MIA2: variants seen among roughly 807,000 people sequenced by gnomAD.
MIA2 encodes the protein melanoma inhibitory activity protein 2.
A neutral mutation model predicts 167.8 loss-of-function variants in MIA2; 127 were observed. The ratio of observed to expected loss-of-function variants is 0.76; its 90% confidence interval spans 0.66 to 0.88. The LOEUF is 0.88. Among genes scored for constraint, MIA2 ranks in the 40% least tolerant of loss-of-function variants. The probability of loss-of-function intolerance (pLI) is 0.00; values close to 1 mark genes in which losing one functional copy is unlikely to be tolerated. For missense variants in MIA2, 1,690 were observed against 1,624.7 expected (o/e 1.04, Z -0.69); for synonymous variants, 552 against 541.9 (o/e 1.02, Z -0.26).
chr14:39,345,413 G>A (rs1415585307), intron 25 of MIA2, among the ~76,000 whole-genome samples: 1 of 152,060 alleles, frequency 6.6e-6, no homozygotes, highest in African/African-American at 2.4e-5. Context: ...ATTCCAAAAC[G>A]TCAATATTAC....
chr14:39,251,479 G>C (rs1279314087), intron 4 of MIA2, among the ~76,000 whole-genome samples: 1 of 151,768 alleles, frequency 6.6e-6, no homozygotes, highest in Non-Finnish European at 1.5e-5. Flanking sequence ...ATAGTATAGG[G>C]AATATTCATT....
At chr14:39,284,434 G>A (rs554689437) in intron 9 of MIA2, among the ~76,000 whole-genome samples, 17 of 152,186 alleles carry the variant, frequency 1.1e-4, no homozygotes, top group East Asian at 9.6e-4. Flanking sequence ...CTAGTACCAC[G>A]TTGTTTTCGT....
chr14:39,269,180 T>C (rs978592415), intron 6 of MIA2: 5 of 493,232 alleles, frequency 1.0e-5, no homozygotes, highest in African/African-American at 4.2e-5. Context: ...TTTTTAAAAA[T>C]TATTTTGTAT....
At position 39,279,499 on chromosome 14, in the gene MIA2, A is replaced by T; in HGVS notation, c.2092A>T (p.Ser698Cys). ...LMLSGLIEEK[S>C]KLLEKFSLVQ... ...GCTTTCTGGACTAATTGAAGAAAAA[A>T]GTAAACTACTTGAAAAATTTAGCCT... is the stretch of plus-strand genomic sequence containing the variant. Residue 698 changes from serine to cysteine, a missense_variant, in exon 9 of 29, where the codon AGT (serine) becomes TGT (cysteine). Ser to Cys is a moderately radical substitution (Grantham distance 112). Transcript: ENST00000640607. The T allele has an allele frequency of 6.2e-7, 1 of 1,608,204 alleles. No individual in the cohort carries two copies. Among genetic ancestry groups the T allele is most frequent in the Non-Finnish European group, 8.5e-7 (1 of 1,178,944 alleles).
intron 25 of MIA2, among the ~76,000 whole-genome samples, chr14:39,333,879 T>C (rs1343261867): frequency 6.6e-6 from 1 of 152,194 alleles, no homozygotes; most frequent in Admixed American, 6.5e-5. Context: ...ATAGAAGAGA[T>C]ATGGTCCATT....
intron 6 of MIA2, among the ~76,000 whole-genome samples, chr14:39,272,102 C>G (rs1338201202): frequency 1.3e-5 from 2 of 152,046 alleles, no homozygotes; most frequent in African/African-American, 4.8e-5. Flanking sequence ...GCCTGTAATC[C>G]CAGCACTTTG....
At chr14:39,281,469 C>A (rs1448177108) in intron 9 of MIA2, among the ~76,000 whole-genome samples, 1 of 151,990 alleles carries the variant, frequency 6.6e-6, no homozygotes, top group African/African-American at 2.4e-5. Context: ...TCTTTTAAAC[C>A]ATCCATTGAG....
At position 39,288,456 on chromosome 14, in the gene MIA2, TATA is replaced by T. The variant is rs2060171422; in HGVS notation, c.2131-2562_2131-2560del. On this transcript the variant is annotated intron_variant, in intron 9 of 28. Transcript: ENST00000640607. ...ACATATATATATATATATATATATA[TATA>T]TATATATATATATATATTTTTTTTT... 3.7e-3 allele frequency among the ~76,000 whole-genome samples: 53 copies of T among 14,350 alleles called. 4 individuals carry two copies. Among genetic ancestry groups the T allele is most frequent in the African/African-American group, 8.7e-3 (47 of 5,402 alleles). The allele number at this position is 14,350 out of a possible 152,430, so 9.4% of individuals were successfully genotyped here. A position where few individuals can be genotyped will look rare whatever the true frequency, so the allele number is the denominator to read the frequency against.
intron 25 of MIA2, among the ~76,000 whole-genome samples, chr14:39,337,725 T>C (rs975565962): frequency 1.3e-5 from 2 of 150,020 alleles, no homozygotes; most frequent in Admixed American, 6.7e-5. Context: ...TATAACATTC[T>C]TTTTTTTTTC....
intron 3 of MIA2, 43 bp downstream of exon 3, chr14:39,240,690 C>A (rs1416786359): frequency 1.4e-6 from 2 of 1,480,668 alleles, no homozygotes; most frequent in Admixed American, 1.7e-5. Flanking sequence ...TTTAAAATTT[C>A]TTGGTTAAAA....
chr14:39,270,950 A>G (rs538503046), intron 6 of MIA2, among the ~76,000 whole-genome samples: 1 of 152,230 alleles, frequency 6.6e-6, no homozygotes, highest in South Asian at 2.1e-4. Context: ...TTGAAGCGTA[A>G]GCGTTCTAAA....
At chr14:39,292,858 G>A (rs2060917064) in intron 10 of MIA2, among the ~76,000 whole-genome samples, 1 of 151,928 alleles carries the variant, frequency 6.6e-6, no homozygotes, top group South Asian at 2.1e-4. Flanking sequence ...TTTATGTCAT[G>A]CCTTTAATTG....
intron 14 of MIA2, among the ~76,000 whole-genome samples, chr14:39,301,084 G>T (rs2062419758): frequency 6.8e-6 from 1 of 146,952 alleles, no homozygotes; most frequent in African/African-American, 2.5e-5. Context: ...ACACGAGATG[G>T]ACTTTCAATC....
intron 12 of MIA2, among the ~76,000 whole-genome samples, 169 bp downstream of exon 12, chr14:39,294,240 C>T (rs207474671): frequency 6.6e-6 from 1 of 151,736 alleles, no homozygotes; most frequent in Non-Finnish European, 1.5e-5. Flanking sequence ...CTGTGTTGCC[C>T]AGGCTGGAGT....
At chr14:39,271,109 T>C (rs1386449439) in intron 6 of MIA2, among the ~76,000 whole-genome samples, 1 of 152,220 alleles carries the variant, frequency 6.6e-6, no homozygotes, top group African/African-American at 2.4e-5. Flanking sequence ...AGTTCTTCGA[T>C]CCACTTTGAG....
chr14:39,283,518 CTCTTT>C (rs1044595079), intron 9 of MIA2, among the ~76,000 whole-genome samples: 4 of 152,240 alleles, frequency 2.6e-5, no homozygotes, highest in African/African-American at 7.2e-5. Flanking sequence ...CTATGCCTTT[CTCTTT>C]TCTTGTCTAG....
chr14:39,238,811 A>AAAAAAAAAAAAAAACAAAAAAC, intron 2 of MIA2, among the ~76,000 whole-genome samples: 2 of 103,608 alleles, frequency 1.9e-5, no homozygotes, highest in Non-Finnish European at 3.8e-5. Context: ...AAAAAAAAAA[A>AAAAAAAAAAAAAAACAAAAAAC]CCCAAAAAAC....
At chr14:39,361,436 G>GT (rs2074680045) in intron 23 of MIA2, among the ~76,000 whole-genome samples, 2 of 83,906 alleles carry the variant, frequency 2.4e-5, no homozygotes, top group South Asian at 3.6e-4. Flanking sequence ...TTAGGTGTGT[G>GT]GTTTTTTTTT....
Position 39,302,234 on chromosome 14 carries a change from A to G in MIA2, c.2725A>G (p.Asn909Asp), listed in dbSNP as rs2062634823. The change falls in exon 15 of 29, where the codon AAT becomes GAT. Residue 909 changes from asparagine to aspartate, a missense_variant. Physicochemically the swap from Asn to Asp is conservative, Grantham distance 23. Transcript: ENST00000640607. Reference protein sequence around the residue: ...LELEMNSESENGAYLDNPPKG... With the variant: ...LELEMNSESEDGAYLDNPPKG... The stretch of plus-strand genomic sequence containing the variant: ...ATTAGAAATGAACAGTGAATCGGAA[A>G]ATGGTGCTTACTTAGGTATTAAGTC... 2.1e-5 allele frequency: 34 copies of G among 1,613,670 alleles called. No homozygotes were observed. The highest frequency in any genetic ancestry group is 2.8e-5 in the Non-Finnish European group (33 of 1,179,782).
Sources: gnomAD v4.1 joint callset for allele counts (sites outside exome capture counted in the v4.1 genomes callset) on GRCh38, gnomAD v4.1.1 for gene constraint, MANE v1.5 for transcripts, NCBI Gene and HGNC (gene_info 2026-07-23, HGNC 2026-07-21) for gene names.